Variants in SUPT16H observed in about 807,000 individuals in gnomAD.
SUPT16H encodes the protein FACT complex subunit SPT16.
Under a neutral mutation model 136.2 loss-of-function variants are expected in SUPT16H, and 24 were observed. That is an observed-to-expected ratio of 0.18 (90% CI 0.13 to 0.25). The LOEUF is 0.25. Among genes scored for constraint, SUPT16H ranks in the 10% least tolerant of loss-of-function variants. The pLI is 1.00. For missense variants in SUPT16H, 623 were observed against 1,270.2 expected (o/e 0.49, Z 7.74); for synonymous variants, 415 against 428.2 (o/e 0.97, Z 0.38).
At chr14:21,363,385 T>G in intron 11 of SUPT16H, 53 bp downstream of exon 11, 2 of 1,606,988 alleles carry the variant, frequency 1.2e-6, no homozygotes, top group Middle Eastern at 1.7e-4. Context: ...CCAATATTAT[T>G]TAACTTCTTT....
chr14:21,370,834 G>A (rs954031133), intron 3 of SUPT16H, among the ~76,000 whole-genome samples: 3 of 148,414 alleles, frequency 2.0e-5, no homozygotes, highest in African/African-American at 7.5e-5. Flanking sequence ...GGAGTGCAGC[G>A]GCGCAATCTA....
intron 22 of SUPT16H, among the ~76,000 whole-genome samples, chr14:21,356,022 G>A (rs1482857303): frequency 2.0e-5 from 3 of 152,196 alleles, no homozygotes; most frequent in Non-Finnish European, 4.4e-5. Flanking sequence ...TTGAACATTT[G>A]CCCCAGTTTT....
At chr14:21,358,906 G>A (rs1422933420) in intron 19 of SUPT16H, among the ~76,000 whole-genome samples, 1 of 149,464 alleles carries the variant, frequency 6.7e-6, no homozygotes, top group African/African-American at 2.5e-5. Context: ...CCAGGTTCAT[G>A]CCATTCTCCC....
Position 21,353,821 on chromosome 14 carries a change from A to G in SUPT16H, c.2802T>C (p.Ala934=). The G allele has an allele frequency of 1.2e-6, 2 of 1,613,448 alleles. No individual in the cohort carries two copies. The highest frequency in any genetic ancestry group is 1.7e-6 in the Non-Finnish European group (2 of 1,179,814). The change falls in exon 24 of 26, where the codon GCT becomes GCC. Residue 934 remains alanine (A), a synonymous_variant. Coordinates refer to ENST00000216297, the MANE Select transcript of SUPT16H (RefSeq NM_007192.4). ...FLEPEGEGSD[A]EEGDSESEIE... ...TTTCAGACTCTGAATCCCCTTCTTC[A>G]GCATCACTCCCCTGGTGAGTTAGAG...
intron 3 of SUPT16H, among the ~76,000 whole-genome samples, chr14:21,370,900 C>T (rs1453823374): frequency 1.3e-5 from 2 of 152,000 alleles, no homozygotes; most frequent in African/African-American, 4.8e-5. Context: ...CTCAGCCTCC[C>T]GAGCAGCTGG....
Position 21,365,120 on chromosome 14 carries a change from C to T in SUPT16H, c.1070G>A (p.Arg357His). Residue 357 changes from arginine to histidine, a missense_variant, in exon 9 of 26, where the codon CGT becomes CAT. Physicochemically the swap from Arg to His is conservative, Grantham distance 29. Coordinates refer to ENST00000216297, the MANE Select transcript of SUPT16H (RefSeq NM_007192.4). ...GCTATTGATTACTAGGGAGCCTTCACGGAATTCAATTCCCATCCCAAACCT... is the reference window on the plus strand; with the variant it reads ...GCTATTGATTACTAGGGAGCCTTCATGGAATTCAATTCCCATCCCAAACCT... The part of the protein sequence containing the change: ...NLGFGMGIEF[R>H]EGSLVINSKN... The T allele has an allele frequency of 3.7e-6, 6 of 1,613,770 alleles. No homozygotes were observed. The highest frequency in any genetic ancestry group is 5.1e-6 in the Non-Finnish European group (6 of 1,179,842).
chr14:21,373,486 A>G (rs922944760), intron 1 of SUPT16H, 56 bp from the exon 2 acceptor site: 4 of 1,244,050 alleles, frequency 3.2e-6, no homozygotes, highest in African/African-American at 3.0e-5. Context: ...ACAGGAATAC[A>G]GCCTTCAATA....
At chr14:21,371,813 T>C (rs1886791026) in intron 3 of SUPT16H, 61 bp downstream of exon 3, 1 of 1,593,786 alleles carries the variant, frequency 6.3e-7, no homozygotes, top group African/African-American at 1.4e-5. Context: ...TATAAGGCAT[T>C]TCTGTTCATC....
At position 21,352,607 on chromosome 14, in the gene SUPT16H, T is replaced by C. The variant is rs1051677631; in HGVS notation, c.*66A>G. Reference sequence around the variant, plus strand: ...AAAACGAAAGGAAAAATACAGTTTCTATGTCATGTAAAATTTTCAGGGGTT... The same window carrying C: ...AAAACGAAAGGAAAAATACAGTTTCCATGTCATGTAAAATTTTCAGGGGTT... On this transcript the variant is annotated 3_prime_UTR_variant, in exon 26 of 26. Transcript: ENST00000216297. 9 of 1,606,596 alleles carry C rather than the reference T, an allele frequency of 5.6e-6. No individual in the cohort carries two copies. Among genetic ancestry groups the C allele is most frequent in the Non-Finnish European group, 7.6e-6 (9 of 1,177,590 alleles).
Position 21,381,786 on chromosome 14 carries a change from C to CTT in SUPT16H, c.66+2074_66+2075dup, listed in dbSNP as rs5807076. Reference sequence around the variant, plus strand: ...CACCATGCCTGGTTAATTTATTTGCCTTTTTTTTTTTTTTGTAGAGACGGG... The same window carrying CTT: ...CACCATGCCTGGTTAATTTATTTGCCTTTTTTTTTTTTTTTTGTAGAGACGGG... On this transcript the variant is annotated intron_variant, in intron 1 of 25. Coordinates refer to ENST00000216297, the MANE Select transcript of SUPT16H (RefSeq NM_007192.4). 4.9e-3 allele frequency among the ~76,000 whole-genome samples: 647 copies of CTT among 132,364 alleles called. 4 individuals are homozygous for CTT. Among genetic ancestry groups the CTT allele is most frequent in the East Asian group, 0.013 (58 of 4,584 alleles). The allele number at this position is 132,364 out of a possible 152,430, so 86.8% of individuals were successfully genotyped here. A position where few individuals can be genotyped will look rare whatever the true frequency, so the allele number is the denominator to read the frequency against.
At chr14:21,364,701 T>G (rs1275761163) in intron 10 of SUPT16H, 126 bp downstream of exon 10, 1 of 725,870 alleles carries the variant, frequency 1.4e-6, no homozygotes, top group African/African-American at 1.8e-5. Flanking sequence ...CTGCATTAGG[T>G]TAGGCTGTCA....
intron 1 of SUPT16H, among the ~76,000 whole-genome samples, chr14:21,374,078 C>T (rs1271232194): frequency 6.6e-6 from 1 of 152,164 alleles, no homozygotes; most frequent in Non-Finnish European, 1.5e-5. Context: ...AAAGATAAGC[C>T]ACCTTCATCT....
chr14:21,376,313 C>T (rs1886900489), intron 1 of SUPT16H, among the ~76,000 whole-genome samples: 1 of 152,146 alleles, frequency 6.6e-6, no homozygotes, highest in South Asian at 2.1e-4. Context: ...CTCCAACCAT[C>T]AGATACTCTT....
intron 4 of SUPT16H, 101 bp from the exon 5 acceptor site, chr14:21,369,997 A>T: frequency 7.2e-7 from 1 of 1,395,980 alleles, no homozygotes; most frequent in Non-Finnish European, 9.9e-7. Context: ...TCTGTTATTT[A>T]GCAAACTATC....
At chr14:21,376,612 T>C (rs979118144) in intron 1 of SUPT16H, among the ~76,000 whole-genome samples, 7 of 152,134 alleles carry the variant, frequency 4.6e-5, no homozygotes, top group East Asian at 3.9e-4. Context: ...TTCTCACCAA[T>C]AGTGAAATAG....
chr14:21,383,314 C>CT, intron 1 of SUPT16H: 1 of 367,996 alleles, frequency 2.7e-6, no homozygotes, highest in East Asian at 4.4e-5. Context: ...CTCTCTGTAA[C>CT]CCACAGCAGG....
chr14:21,357,922 C>T lies in SUPT16H; in HGVS notation c.2490+5G>A. 1 of 1,612,466 alleles carries T rather than the reference C, an allele frequency of 6.2e-7. No homozygotes were observed. The highest frequency in any genetic ancestry group is 1.1e-5 in the South Asian group (1 of 90,980). On this transcript the variant is annotated splice_donor_5th_base_variant and intron_variant, in intron 21 of 25. Transcript: ENST00000216297. ...TCTTACTAAAAGAAAGTAAGAAACA[C>T]TCACCCATTCCGTAGCATTTACCAG...
rs1324528072 is a variant in SUPT16H, at chr14:21,363,567, T to A, written c.1234-64A>T. ...GAGGCAATTTCATTTTCTAACCTAG[T>A]AAACGGCTGGGCAATGCTTTGAATC... On this transcript the variant is annotated intron_variant, in intron 10 of 25. Transcript: ENST00000216297. 3 of 1,429,258 alleles carry A rather than the reference T, an allele frequency of 2.1e-6. No individual in the cohort carries two copies. The African/African-American group carries it at 4.3e-5, about 20-fold the overall frequency. 88.5% of individuals were successfully genotyped at this position (1,429,258 alleles called of 1,614,324 possible).
At chr14:21,366,643 A>G (rs933054883) in intron 7 of SUPT16H, 114 bp from the exon 8 acceptor site, 8 of 932,132 alleles carry the variant, frequency 8.6e-6, no homozygotes, top group Non-Finnish European at 1.3e-5. Context: ...GTGTGAACTA[A>G]ACAGTCCACT....
Sources: gnomAD v4.1 joint callset for allele counts (sites outside exome capture counted in the v4.1 genomes callset) on GRCh38, gnomAD v4.1.1 for gene constraint, MANE v1.5 for transcripts, NCBI Gene and HGNC (gene_info 2026-07-23, HGNC 2026-07-21) for gene names.